WWOX: variants seen among roughly 807,000 people sequenced by gnomAD.
WWOX encodes the protein WW domain containing oxidoreductase.
A neutral mutation model predicts 46.2 loss-of-function variants in WWOX; 69 were observed. The ratio of observed to expected loss-of-function variants is 1.49; its 90% confidence interval spans 1.23 to 1.82. The LOEUF is 1.82. Among genes scored for constraint, WWOX ranks in the 40% most tolerant of loss-of-function variants. The pLI, the probability that WWOX is intolerant of heterozygous loss-of-function variation, is 0.00. For synonymous variants in WWOX, 359 were observed against 202.6 expected (o/e 1.77, Z -6.56); for missense variants, 919 against 542.6 (o/e 1.69, Z -6.89).
chr16:78,380,995 A>T (rs1415282010), intron 5 of WWOX, among the ~76,000 whole-genome samples: 1 of 152,162 alleles, frequency 6.6e-6, no homozygotes, highest in East Asian at 1.9e-4. Flanking sequence ...CAATACTATT[A>T]TGCTCATTCA....
At chr16:78,473,055 G>A (rs1284182137) in intron 8 of WWOX, among the ~76,000 whole-genome samples, 2 of 152,312 alleles carry the variant, frequency 1.3e-5, no homozygotes, top group East Asian at 3.9e-4. Flanking sequence ...CAAGGTGTGT[G>A]AAAACTACAT....
In WWOX at chr16:78,682,787, T is replaced by C. The variant is rs532863033; in HGVS notation, c.1056+250035T>C. ...CACGGTAATTTGGAGCCAGTACTTCTTGCACCATTCATTTGTCCACAGCAT... is the reference window on the plus strand; with the variant it reads ...CACGGTAATTTGGAGCCAGTACTTCCTGCACCATTCATTTGTCCACAGCAT... On this transcript the variant is annotated intron_variant, in intron 8 of 8. Coordinates refer to ENST00000566780, the MANE Select transcript of WWOX (RefSeq NM_016373.4). Among the ~76,000 whole-genome samples, 28 of 152,244 alleles carry C rather than the reference T, an allele frequency of 1.8e-4. 1 individual carries two copies. The highest frequency in any genetic ancestry group is 8.3e-4 in the South Asian group (4 of 4,832).
chr16:78,107,780 G>C (rs939459965), intron 1 of WWOX, among the ~76,000 whole-genome samples: 1 of 151,894 alleles, frequency 6.6e-6, no homozygotes, highest in Non-Finnish European at 1.5e-5. Flanking sequence ...GTCCAGCCTG[G>C]GCAACATAGT....
At chr16:78,579,689 G>T (rs2044999366) in intron 8 of WWOX, among the ~76,000 whole-genome samples, 1 of 152,194 alleles carries the variant, frequency 6.6e-6, no homozygotes, top group Admixed American at 6.5e-5. Flanking sequence ...CGACGGAGAA[G>T]TGGGATAAGA....
intron 5 of WWOX, among the ~76,000 whole-genome samples, chr16:78,351,467 TA>T (rs2081182339): frequency 6.6e-6 from 1 of 152,252 alleles, no homozygotes; most frequent in African/African-American, 2.4e-5. Flanking sequence ...GGGGATATCA[TA>T]TACGCTTTAG....
At chr16:78,675,751 A>G (rs1021413225) in intron 8 of WWOX, among the ~76,000 whole-genome samples, 1 of 152,194 alleles carries the variant, frequency 6.6e-6, no homozygotes, top group Admixed American at 6.5e-5. Flanking sequence ...AGACAGAAGG[A>G]TTGCTTGAGG....
chr16:78,890,423 C>T (rs1231595064), intron 8 of WWOX: 2 of 151,570 alleles, frequency 1.3e-5, no homozygotes, highest in Non-Finnish European at 2.9e-5. Context: ...ACATCCCTCC[C>T]ACCCTATCTG....
At chr16:78,161,844 A>T (rs2151732866) in intron 4 of WWOX, among the ~76,000 whole-genome samples, 1 of 152,290 alleles carries the variant, frequency 6.6e-6, no homozygotes, top group South Asian at 2.1e-4. Flanking sequence ...ATCTAATATA[A>T]ATCAGTATTA....
intron 5 of WWOX, among the ~76,000 whole-genome samples, chr16:78,338,890 G>GT (rs1365510041): frequency 8.4e-6 from 1 of 119,560 alleles, no homozygotes; most frequent in East Asian, 1.9e-4. Flanking sequence ...AAATTTTTAC[G>GT]TAAAAAGTTA....
intron 8 of WWOX, among the ~76,000 whole-genome samples, chr16:78,783,661 A>G (rs1567556875): frequency 6.6e-6 from 1 of 152,202 alleles, no homozygotes; most frequent in Non-Finnish European, 1.5e-5. Context: ...TTACAAAGAC[A>G]TAAATGTCTT....
intron 8 of WWOX, among the ~76,000 whole-genome samples, chr16:78,758,742 T>C (rs181118269): frequency 7.1e-4 from 108 of 152,178 alleles, no homozygotes; most frequent in Non-Finnish European, 1.3e-3. Flanking sequence ...AGTTAAAAAT[T>C]TATACTCACT....
chr16:78,526,655 C>G (rs2043476821), intron 8 of WWOX: 1 of 152,344 alleles, frequency 6.6e-6, no homozygotes, highest in South Asian at 2.1e-4. Context: ...GTCACCAGCC[C>G]CAAACCCTGT....
At chr16:79,101,108 G>C (rs1040349882) in intron 8 of WWOX, 1 of 152,272 alleles carries the variant, frequency 6.6e-6, no homozygotes, top group African/African-American at 2.4e-5. Flanking sequence ...CTCAGAAATG[G>C]TGTCTTTTAT....
chr16:78,539,845 C>T (rs933435077), intron 8 of WWOX, among the ~76,000 whole-genome samples: 1 of 152,120 alleles, frequency 6.6e-6, no homozygotes, highest in African/African-American at 2.4e-5. Context: ...TTTATCTTGC[C>T]ATTACTGTAC....
intron 5 of WWOX, among the ~76,000 whole-genome samples, chr16:78,301,232 A>C (rs1235685451): frequency 2.0e-5 from 3 of 152,342 alleles, no homozygotes; most frequent in Admixed American, 2.0e-4. Context: ...AATTATTCAC[A>C]AATTGTCTTT....
chr16:78,685,343 T>C (rs1255371385), intron 8 of WWOX, among the ~76,000 whole-genome samples: 1 of 151,388 alleles, frequency 6.6e-6, no homozygotes, highest in Non-Finnish European at 1.5e-5. Flanking sequence ...CATTCTGTGA[T>C]TTTTTTTTGT....
intron 8 of WWOX, among the ~76,000 whole-genome samples, chr16:79,055,872 C>A (rs1504887): frequency 6.6e-5 from 10 of 152,240 alleles, no homozygotes; most frequent in African/African-American, 2.4e-4. Flanking sequence ...TGCTCTTTAT[C>A]TTCTCTTTAT....
At chr16:78,859,426 C>G (rs1262887500) in intron 8 of WWOX, among the ~76,000 whole-genome samples, 1 of 152,010 alleles carries the variant, frequency 6.6e-6, no homozygotes, top group Non-Finnish European at 1.5e-5. Context: ...CCAGGAAGAA[C>G]TGGGTCTACT....
chr16:78,793,679 A>G (rs2050666630), intron 8 of WWOX, among the ~76,000 whole-genome samples: 1 of 152,196 alleles, frequency 6.6e-6, no homozygotes, highest in South Asian at 2.1e-4. Context: ...CCATTATGGA[A>G]ATAACTTATA....
Sources: gnomAD v4.1 joint callset for allele counts (sites outside exome capture counted in the v4.1 genomes callset) on GRCh38, gnomAD v4.1.1 for gene constraint, MANE v1.5 for transcripts, NCBI Gene and HGNC (gene_info 2026-07-23, HGNC 2026-07-21) for gene names.